ZNF608: variants seen among roughly 807,000 people sequenced by gnomAD.
ZNF608 encodes zinc finger protein 608.
Under a neutral mutation model 109.0 loss-of-function variants are expected in ZNF608, and 12 were observed. That is an observed-to-expected ratio of 0.11 (90% CI 0.07 to 0.18). The LOEUF (loss-of-function observed/expected upper bound fraction) is 0.18, where lower values mean the gene tolerates loss of function less well. Ranked by LOEUF, ZNF608 falls within the 10% of genes least tolerant of loss-of-function variation. The pLI is 1.00. For synonymous variants in ZNF608, 732 were observed against 717.4 expected (o/e 1.02, Z -0.33); for missense variants, 1,707 against 1,879.3 (o/e 0.91, Z 1.70).
chr5:124,678,114 C>A (rs1348822330), intron 3 of ZNF608, among the ~76,000 whole-genome samples: 1 of 152,114 alleles, frequency 6.6e-6, no homozygotes, highest in Non-Finnish European at 1.5e-5. Flanking sequence ...CGTAAGTCAG[C>A]CCCTTCAGCT....
intron 2 of ZNF608, among the ~76,000 whole-genome samples, chr5:124,721,490 C>T (rs1480421019): frequency 6.6e-6 from 1 of 152,042 alleles, no homozygotes; most frequent in East Asian, 1.9e-4. Flanking sequence ...AACAAAACAG[C>T]AAAAGTGTAG....
intron 2 of ZNF608, among the ~76,000 whole-genome samples, chr5:124,702,803 T>C (rs560375764): frequency 6.6e-6 from 1 of 152,344 alleles, no homozygotes; most frequent in African/African-American, 2.4e-5. Flanking sequence ...TTCTGCATTC[T>C]TGATCACAGA....
Position 124,705,113 on chromosome 5 carries a change from A to G in ZNF608, c.907-3844T>C, listed in dbSNP as rs116733658. 4.9e-4 allele frequency among the ~76,000 whole-genome samples: 75 copies of G among 152,242 alleles called. 1 individual carries two copies. Among genetic ancestry groups the G allele is most frequent in the African/African-American group, 1.8e-3 (75 of 41,550 alleles). Reference sequence around the variant, plus strand: ...GGATTTTAAAGCATTTTCAGTAGTTATTTTTGCCTTATACAAAAGATCAAC... The same window carrying G: ...GGATTTTAAAGCATTTTCAGTAGTTGTTTTTGCCTTATACAAAAGATCAAC... On this transcript the variant is annotated intron_variant, in intron 2 of 9. Transcript: ENST00000513986.
chr5:124,668,025 C>T (rs1192689592), intron 3 of ZNF608, among the ~76,000 whole-genome samples: 1 of 151,764 alleles, frequency 6.6e-6, no homozygotes, highest in Non-Finnish European at 1.5e-5. Context: ...CACCATATCA[C>T]ATCTAGAACT....
At chr5:124,660,838 A>G (rs1390810963) in intron 3 of ZNF608, among the ~76,000 whole-genome samples, 1 of 152,214 alleles carries the variant, frequency 6.6e-6, no homozygotes, top group East Asian at 1.9e-4. Flanking sequence ...AAGCTGAAGA[A>G]TGGAAGGAGA....
chr5:124,651,592 C>A (rs1750779387), intron 3 of ZNF608, among the ~76,000 whole-genome samples: 1 of 152,250 alleles, frequency 6.6e-6, no homozygotes, highest in Non-Finnish European at 1.5e-5. Context: ...ATGAAAGAAA[C>A]AACAAACCTT....
At chr5:124,690,924 AACAC>A (rs35022360) in intron 3 of ZNF608, among the ~76,000 whole-genome samples, 62 of 86,910 alleles carry the variant, frequency 7.1e-4, no homozygotes, top group Non-Finnish European at 1.1e-3. Context: ...GCAACAGAAA[AACAC>A]ACACACACAC....
chr5:124,638,484 C>T (rs1454473809), intron 9 of ZNF608, among the ~76,000 whole-genome samples: 1 of 151,798 alleles, frequency 6.6e-6, no homozygotes, highest in Non-Finnish European at 1.5e-5. Context: ...CTGGAACTCC[C>T]GACCTCAGGT....
intron 2 of ZNF608, among the ~76,000 whole-genome samples, chr5:124,705,488 T>C (rs1446912224): frequency 6.6e-6 from 1 of 152,194 alleles, no homozygotes; most frequent in East Asian, 1.9e-4. Flanking sequence ...ATGCTCAGCA[T>C]AGTGCTTAGG....
intron 3 of ZNF608, among the ~76,000 whole-genome samples, chr5:124,684,162 AT>A (rs1233867157): frequency 6.6e-6 from 1 of 152,174 alleles, no homozygotes; most frequent in East Asian, 1.9e-4. Context: ...TTTGCTAATA[AT>A]TTTGTTTAGA....
At position 124,744,784 on chromosome 5, in the gene ZNF608, G is replaced by T; in HGVS notation, c.206C>A (p.Ala69Asp). The change falls in exon 2 of 10, where the codon GCC (alanine) becomes GAC (aspartate). Residue 69 changes from alanine to aspartate, a missense_variant. Coordinates refer to ENST00000513986, the MANE Select transcript of ZNF608 (RefSeq NM_020747.3). This position sits in a 1 kb window ranked among gnomAD's most constrained non-coding sequence, Gnocchi z 4.5. ...TGCGGTAGCACCAGCCCCACTGGAG[G>T]CCGGACCTCCACAATCCTTGGAGTT... ...SSNSKDCGGP[A>D]SSGAGATAAL... 6 of 1,614,198 alleles carry T rather than the reference G, an allele frequency of 3.7e-6. No individual in the cohort carries two copies. Among genetic ancestry groups the T allele is most frequent in the East Asian group, 2.2e-5 (1 of 44,880 alleles).
chr5:124,721,149 G>A (rs1753886187), intron 2 of ZNF608, among the ~76,000 whole-genome samples: 1 of 152,060 alleles, frequency 6.6e-6, no homozygotes, highest in South Asian at 2.1e-4. Flanking sequence ...GGGGAAACCA[G>A]GTGCAATATA....
chr5:124,649,521 G>A, intron 4 of ZNF608, 89 bp downstream of exon 4: 1 of 1,060,940 alleles, frequency 9.4e-7, no homozygotes, highest in Non-Finnish European at 1.4e-6. Flanking sequence ...TCAATTACAG[G>A]CACACTTTTA....
chr5:124,686,644 G>T (rs1752424243), intron 3 of ZNF608, among the ~76,000 whole-genome samples: 1 of 152,214 alleles, frequency 6.6e-6, no homozygotes, highest in Admixed American at 6.5e-5. Context: ...GAAAACAGTG[G>T]AAAGCAGCTT....
At chr5:124,731,452 C>T (rs941467678) in intron 2 of ZNF608, among the ~76,000 whole-genome samples, 15 of 150,612 alleles carry the variant, frequency 1.0e-4, no homozygotes, top group African/African-American at 3.7e-4. Context: ...ACCTCGTGAT[C>T]CGCCCACCTC....
Position 124,648,599 on chromosome 5 carries a change from G to A in ZNF608, c.1785C>T (p.Ile595=). The change falls in exon 5 of 10, where the codon ATC becomes ATT. Residue 595 remains isoleucine (I), a synonymous_variant. Transcript: ENST00000513986. ...LEFEPDSEDK[I]SDCEEGLSNV... is the part of the protein sequence containing the mutation. ...TACTCAATCCTTCCTCACAGTCCGA[G>A]ATCTTGTCCTCACTGTCAGGCTCGA... 3 of 1,614,234 alleles carry A rather than the reference G, an allele frequency of 1.9e-6. No individual in the cohort carries two copies. Among genetic ancestry groups the A allele is most frequent in the Non-Finnish European group, 2.5e-6 (3 of 1,180,046 alleles).
upstream of ZNF608, among the ~76,000 whole-genome samples, chr5:124,747,635 C>A (rs1231847775): frequency 6.6e-6 from 1 of 151,460 alleles, no homozygotes; most frequent in Non-Finnish European, 1.5e-5. Flanking sequence ...CAACCTCCTC[C>A]CCCCGCCCCC....
intron 5 of ZNF608, among the ~76,000 whole-genome samples, chr5:124,645,492 ATG>A (rs1008297898): frequency 6.6e-6 from 1 of 151,238 alleles, no homozygotes; most frequent in Non-Finnish European, 1.5e-5. Context: ...GCCTAAGTAA[ATG>A]TGTGTGTGTG....
rs892187993 is a variant in ZNF608 at position 124,647,085 on chromosome 5, G to T, written c.3299C>A (p.Ala1100Asp). Reference protein sequence around the residue: ...DQKSLMATSPAYRQQYEKYYE... With the variant: ...DQKSLMATSPDYRQQYEKYYE... ...GTACTTCTCATACTGCTGTCTATAGGCAGGGCTGGTGGCCATCAGAGACTT... is the reference window on the plus strand; with the variant it reads ...GTACTTCTCATACTGCTGTCTATAGTCAGGGCTGGTGGCCATCAGAGACTT... The change falls in exon 5 of 10, where the codon GCC becomes GAC. Residue 1100 changes from alanine to aspartate, a missense_variant. By Grantham distance (126) the Ala-to-Asp change is moderately radical. Transcript: ENST00000513986. 6.2e-7 allele frequency: 1 copy of T among 1,613,952 alleles called. No individual in the cohort carries two copies. The highest frequency in any genetic ancestry group is 1.3e-5 in the African/African-American group (1 of 74,888).
Sources: allele counts gnomAD v4.1 joint callset (sites outside exome capture counted in the v4.1 genomes callset), GRCh38; gene constraint gnomAD v4.1.1; non-coding constraint Gnocchi (gnomAD v3.1); transcripts MANE v1.5; gene names NCBI Gene and HGNC (gene_info 2026-07-23, HGNC 2026-07-21).